The following OSBPL5 variants were observed in gnomAD, a reference collection of about 807,000 sequenced individuals.
OSBPL5 encodes the protein oxysterol-binding protein-related protein 5.
A neutral mutation model predicts 111.2 loss-of-function variants in OSBPL5; 71 were observed. The ratio of observed to expected loss-of-function variants is 0.64; its 90% CI spans 0.53 to 0.78. OSBPL5 has a LOEUF of 0.78. Ranked by LOEUF, OSBPL5 falls within the 30% of genes least tolerant of loss-of-function variation. OSBPL5 has a pLI of 0.00. For synonymous variants in OSBPL5, 549 were observed against 513.9 expected (o/e 1.07, Z -0.93); for missense variants, 1,210 against 1,189.3 (o/e 1.02, Z -0.26).
chr11:3,092,774 G>A lies in OSBPL5; in HGVS notation c.2132+93C>T, dbSNP rs1857108466. 1 of 1,428,006 alleles carries A rather than the reference G, an allele frequency of 7.0e-7. No individual in the cohort carries two copies. 88.5% of individuals were successfully genotyped at this position (1,428,006 alleles called of 1,614,324 possible). On this transcript the variant is annotated intron_variant, in intron 18 of 21. Coordinates refer to ENST00000263650, the MANE Select transcript of OSBPL5 (RefSeq NM_020896.4). The surrounding 1 kb of genome is among the most constrained non-coding windows in gnomAD (Gnocchi z 5.4). ...GACTCCTCCAGGGGACAGGCTGAAGGTGAGAGGGAAGCCAGGAGCCCCTGG... is the reference window on the plus strand; with the variant it reads ...GACTCCTCCAGGGGACAGGCTGAAGATGAGAGGGAAGCCAGGAGCCCCTGG...
rs1254441190 is a variant in OSBPL5, at chr11:3,130,527, C to G, written c.-21-1358G>C. ...CACCCCAGAGCCCCCTCTGTGCCCC[C>G]AGTCCTGAAGTCAGAGTGGGGAGGG... is the stretch of plus-strand genomic sequence containing the variant. On this transcript the variant is annotated intron_variant, in intron 1 of 21. Transcript: ENST00000263650. The surrounding 1 kb of genome is among the most constrained non-coding windows in gnomAD (Gnocchi z 4.5). Among the ~76,000 whole-genome samples the G allele has an allele frequency of 1.3e-5, 2 of 152,192 alleles. No individual in the cohort carries two copies. The highest frequency in any genetic ancestry group is 3.9e-4 in the East Asian group (2 of 5,188).
intron 1 of OSBPL5, among the ~76,000 whole-genome samples, chr11:3,144,328 A>G (rs1846261359): frequency 6.6e-6 from 1 of 152,182 alleles, no homozygotes; most frequent in Admixed American, 6.5e-5. Flanking sequence ...TGCCCTCGAC[A>G]TGGTAAAGCC....
At chr11:3,099,761 T>C (rs1020969967) in intron 14 of OSBPL5, among the ~76,000 whole-genome samples, 5 of 152,112 alleles carry the variant, frequency 3.3e-5, no homozygotes, top group Non-Finnish European at 5.9e-5. Flanking sequence ...TACATGGAAT[T>C]ACCCACCTTC....
In OSBPL5 at chr11:3,087,166, T is replaced by C. The variant is rs1254127427; in HGVS notation, c.*1039A>G. On this transcript the variant is annotated 3_prime_UTR_variant, in exon 22 of 22. Transcript: ENST00000263650. ...TTTCAAGGTGTGGAACACAGACACA[T>C]CCCCAGATGGGGGAGGAGGGGAGAC... 8 of 152,444 alleles carry C rather than the reference T, an allele frequency of 5.2e-5. No individual in the cohort carries two copies. The East Asian group carries it at 1.6e-3, about 30-fold the overall frequency. 9.4% of individuals were successfully genotyped at this position (152,444 alleles called of 1,614,324 possible).
chr11:3,102,421 A>G (rs1590647628), intron 11 of OSBPL5, 140 bp from the exon 12 acceptor site: 1 of 722,264 alleles, frequency 1.4e-6, no homozygotes, highest in Non-Finnish European at 2.4e-6. Context: ...AGCATCTGGG[A>G]ACAACACCTC....
chr11:3,124,123 T>TA (rs1221711154), intron 3 of OSBPL5, among the ~76,000 whole-genome samples: 3 of 152,176 alleles, frequency 2.0e-5, no homozygotes, highest in African/African-American at 7.2e-5. Context: ...TCATCGTTGT[T>TA]ATTCTCAGCA....
rs955145210 is a variant in OSBPL5 at position 3,107,019 on chromosome 11, C to T, written c.1059+244G>A. Among the ~76,000 whole-genome samples, 1 of 152,058 alleles carries T rather than the reference C, an allele frequency of 6.6e-6. No homozygotes were observed. Among genetic ancestry groups the T allele is most frequent in the African/African-American group, 2.4e-5 (1 of 41,350 alleles). On this transcript the variant is annotated intron_variant, in intron 9 of 21. Coordinates refer to ENST00000263650, the MANE Select transcript of OSBPL5 (RefSeq NM_020896.4). This position sits in a 1 kb window ranked among gnomAD's most constrained non-coding sequence, Gnocchi z 6.1. ...GGGAGTTGCCTGTCTGCAGCAAACC[C>T]CTGCCCGATCCCCGCATCTGCATGC...
At chr11:3,164,898 G>T (rs374396588) in intron 1 of OSBPL5, among the ~76,000 whole-genome samples, 3 of 152,046 alleles carry the variant, frequency 2.0e-5, no homozygotes, top group Non-Finnish European at 4.4e-5. Flanking sequence ...ACCAAGTGGG[G>T]AGCCGAGCTG....
At chr11:3,115,613 A>G (rs1858181954) in intron 7 of OSBPL5, among the ~76,000 whole-genome samples, 6 of 152,250 alleles carry the variant, frequency 3.9e-5, no homozygotes, top group Admixed American at 3.3e-4. Context: ...CAGTTCCTCT[A>G]TAAATTAATC....
chr11:3,133,885 GCCCCGAGACCCCAAGGT>G (rs1268933609), intron 1 of OSBPL5, among the ~76,000 whole-genome samples: 1 of 152,130 alleles, frequency 6.6e-6, no homozygotes, highest in Non-Finnish European at 1.5e-5. Flanking sequence ...TGGGGCCCCA[GCCCCGAGACCCCAAGGT>G]CCCCTAAGGA....
At position 3,113,327 on chromosome 11, in the gene OSBPL5, A is replaced by G. The variant is rs1858075730; in HGVS notation, c.692-5382T>C. ...ATACCATGAGGTGTCAAAATTTGGC[A>G]TAGGAGTTACGAAACTATAAACCCA... On this transcript the variant is annotated intron_variant, in intron 7 of 21. Transcript: ENST00000263650. This position sits in a 1 kb window ranked among gnomAD's most constrained non-coding sequence, Gnocchi z 4.8. 2.6e-5 allele frequency among the ~76,000 whole-genome samples: 4 copies of G among 151,774 alleles called. No homozygotes were observed. The highest frequency in any genetic ancestry group is 2.6e-4 in the Admixed American group (4 of 15,226).
chr11:3,135,495 C>A (rs56264889), intron 1 of OSBPL5, among the ~76,000 whole-genome samples: 4,011 of 152,256 alleles, frequency 0.026, 211 homozygotes, highest in African/African-American at 0.091. Context: ...AGGTGGATGC[C>A]CAGGCAGGCA....
chr11:3,161,204 C>G lies in OSBPL5; in HGVS notation c.-22+4012G>C, dbSNP rs995638496. The G allele has an allele frequency of 1.3e-5, 2 of 152,212 alleles. No homozygotes were observed. Among genetic ancestry groups the G allele is most frequent in the Non-Finnish European group, 2.9e-5 (2 of 68,034 alleles). The allele number at this position is 152,212 out of a possible 1,614,324, so 9.4% of individuals were successfully genotyped here. A position where few individuals can be genotyped will look rare whatever the true frequency, so the allele number is the denominator to read the frequency against. On this transcript the variant is annotated intron_variant, in intron 1 of 21. Transcript: ENST00000263650. This position sits in a 1 kb window ranked among gnomAD's most constrained non-coding sequence, Gnocchi z 8.0. ...TTGAGCCTCAACTTTCCCCTTCATC[C>G]TTGTCTTCGTGTCAGCAGGGTGAGA... is the stretch of plus-strand genomic sequence containing the variant.
At chr11:3,151,143 C>T (rs1353878350) in intron 1 of OSBPL5, among the ~76,000 whole-genome samples, 1 of 152,126 alleles carries the variant, frequency 6.6e-6, no homozygotes, top group Non-Finnish European at 1.5e-5. Flanking sequence ...GTGATGCCGC[C>T]ACGAGCCAAG....
intron 1 of OSBPL5, among the ~76,000 whole-genome samples, chr11:3,145,465 A>G (rs978696152): frequency 6.6e-6 from 1 of 151,924 alleles, no homozygotes; most frequent in Non-Finnish European, 1.5e-5. Context: ...CACAGCCTCC[A>G]CTGAACCTTC....
At position 3,087,304 on chromosome 11, in the gene OSBPL5, G is replaced by A. The variant is rs187528308; in HGVS notation, c.*901C>T. The stretch of plus-strand genomic sequence containing the variant: ...TATATATGTGTAGAGGCTCACACAC[G>A]CGCACACGCACACGCAGAGCGGCAC... On this transcript the variant is annotated 3_prime_UTR_variant, in exon 22 of 22. Transcript: ENST00000263650. 4.5e-4 allele frequency: 69 copies of A among 154,280 alleles called. 2 individuals carry two copies. The East Asian group carries it at 8.7e-3, about 19-fold the overall frequency. 9.6% of individuals were successfully genotyped at this position (154,280 alleles called of 1,614,324 possible).
At position 3,161,871 on chromosome 11, in the gene OSBPL5, T is replaced by C. The variant is rs1479125920; in HGVS notation, c.-22+3345A>G. ...CCTGAATTAGATGGAGCCCACCAAATGCAGATCCAAGGAGGGGCCGAAAGC... is the reference window on the plus strand; with the variant it reads ...CCTGAATTAGATGGAGCCCACCAAACGCAGATCCAAGGAGGGGCCGAAAGC... On this transcript the variant is annotated intron_variant, in intron 1 of 21. Transcript: ENST00000263650. The surrounding 1 kb of genome is among the most constrained non-coding windows in gnomAD (Gnocchi z 8.0). 6.6e-6 allele frequency among the ~76,000 whole-genome samples: 1 copy of C among 151,420 alleles called. No homozygotes were observed. The highest frequency in any genetic ancestry group is 2.0e-4 in the East Asian group (1 of 5,126).
In OSBPL5 at chr11:3,089,890, G is replaced by C. The variant is rs573151125; in HGVS notation, c.2457C>G (p.His819Gln). The C allele has an allele frequency of 1.3e-6, 2 of 1,566,046 alleles. No individual in the cohort carries two copies. The highest frequency in any genetic ancestry group is 1.7e-6 in the Non-Finnish European group (2 of 1,156,086). Residue 819 changes from histidine to glutamine, a missense_variant, in exon 21 of 22, where the codon CAC becomes CAG. Physicochemically the swap from His to Gln is conservative, Grantham distance 24. Transcript: ENST00000263650. ...CCTCTCGGATGGAGAGGATGGCCTC[G>C]TGCAGGGCCTGCAGCCGCCGCGCCT... is the stretch of plus-strand genomic sequence containing the variant. ...RKEARRLQALHEAILSIREAQ... is the reference protein window; with the variant it reads ...RKEARRLQALQEAILSIREAQ...
chr11:3,120,515 A>G lies in OSBPL5; in HGVS notation c.512T>C (p.Leu171Pro). 6.2e-7 allele frequency: 1 copy of G among 1,613,298 alleles called. No individual in the cohort carries two copies. Among genetic ancestry groups the G allele is most frequent in the Non-Finnish European group, 8.5e-7 (1 of 1,179,998 alleles). Residue 171 changes from leucine to proline, a missense_variant, in exon 6 of 22, where the codon CTG (leucine) becomes CCG (proline). Transcript: ENST00000263650. ...CCGCTCGATGAGCTCGCAGCAGTGC[A>G]GCAGCACCGTGCCCACCCACTGGCC... is the stretch of plus-strand genomic sequence containing the variant. ...KVGQWVGTVL[L>P]HCCELIERPS...
Sources: allele counts gnomAD v4.1 joint callset (sites outside exome capture counted in the v4.1 genomes callset), GRCh38; gene constraint gnomAD v4.1.1; non-coding constraint Gnocchi (gnomAD v3.1); transcripts MANE v1.5; gene names NCBI Gene and HGNC (gene_info 2026-07-23, HGNC 2026-07-21).